The following CNTN4 variants were observed in gnomAD, a reference collection of about 807,000 sequenced individuals.
The protein encoded by CNTN4 is contactin-4.
A neutral mutation model predicts 122.5 loss-of-function variants in CNTN4; 77 were observed. That is an observed-to-expected ratio of 0.63 (90% CI 0.52 to 0.76). CNTN4 has a LOEUF of 0.76. CNTN4 is among the 30% of genes least tolerant of loss of function. The pLI is 0.00. For missense variants in CNTN4, 1,256 were observed against 1,259.1 expected (o/e 1.00, Z 0.04); for synonymous variants, 512 against 447.0 (o/e 1.15, Z -1.83).
At chr3:2,231,170 A>G (rs2039471492) in intron 2 of CNTN4, among the ~76,000 whole-genome samples, 2 of 152,208 alleles carry the variant, frequency 1.3e-5, no homozygotes, top group Non-Finnish European at 2.9e-5. Context: ...ACAATTACCA[A>G]TTAGATACTT....
rs140407010 is a variant in CNTN4, at chr3:2,834,426, C to T, written c.454+14845C>T. On this transcript the variant is annotated intron_variant, in intron 7 of 24. Coordinates refer to ENST00000418658, the MANE Select transcript of CNTN4 (RefSeq NM_175607.3). Reference sequence around the variant, plus strand: ...CTAAAGATTTAAAAAGTTAGCTGGGCGTGGTGGTGCATGTTTGTAATCCCA... The same window carrying T: ...CTAAAGATTTAAAAAGTTAGCTGGGTGTGGTGGTGCATGTTTGTAATCCCA... Among the ~76,000 whole-genome samples, 556 of 152,066 alleles carry T rather than the reference C, an allele frequency of 3.7e-3. 4 individuals carry two copies. The highest frequency in any genetic ancestry group is 0.027 in the Middle Eastern group (8 of 294).
At chr3:2,973,410 C>T (rs1693120637) in intron 13 of CNTN4, among the ~76,000 whole-genome samples, 1 of 151,994 alleles carries the variant, frequency 6.6e-6, no homozygotes, top group Non-Finnish European at 1.5e-5. Context: ...CTGTTTATCC[C>T]AGACACTGAT....
intron 6 of CNTN4, among the ~76,000 whole-genome samples, chr3:2,800,899 C>T (rs975714348): frequency 1.3e-5 from 2 of 152,182 alleles, no homozygotes; most frequent in African/African-American, 4.8e-5. Flanking sequence ...TTGCCACCTT[C>T]AGGTCTCTAC....
At chr3:2,525,768 T>C (rs1165107989) in intron 3 of CNTN4, among the ~76,000 whole-genome samples, 2 of 152,080 alleles carry the variant, frequency 1.3e-5, no homozygotes, top group African/African-American at 4.8e-5. Context: ...TATGTAGAGG[T>C]GAATATTGCA....
chr3:2,564,120 G>T (rs1421822471), intron 3 of CNTN4, among the ~76,000 whole-genome samples: 1 of 152,102 alleles, frequency 6.6e-6, no homozygotes, highest in Admixed American at 6.6e-5. Context: ...TCAAGAAATA[G>T]TAGTATAAGC....
chr3:2,563,055 C>T (rs909404105), intron 3 of CNTN4, among the ~76,000 whole-genome samples: 2 of 152,094 alleles, frequency 1.3e-5, no homozygotes, highest in Non-Finnish European at 2.9e-5. Context: ...GGTATATACC[C>T]AGTAATGGAA....
At chr3:2,131,511 A>G (rs532781683) in intron 2 of CNTN4, among the ~76,000 whole-genome samples, 2 of 152,290 alleles carry the variant, frequency 1.3e-5, no homozygotes, top group East Asian at 1.9e-4. Flanking sequence ...CAGATGAGAG[A>G]GAATACTTGA....
At chr3:2,522,687 A>T in intron 3 of CNTN4, among the ~76,000 whole-genome samples, 1 of 152,004 alleles carries the variant, frequency 6.6e-6, no homozygotes, top group East Asian at 1.9e-4. Flanking sequence ...TGATTCAGTT[A>T]GACTGACTGG....
chr3:2,398,769 A>C (rs192873350), intron 3 of CNTN4, among the ~76,000 whole-genome samples: 18 of 152,292 alleles, frequency 1.2e-4, no homozygotes, highest in Middle Eastern at 3.4e-3. Context: ...ACACTTGGAA[A>C]TGATCACTGA....
chr3:2,379,528 T>A (rs185529480), intron 3 of CNTN4, among the ~76,000 whole-genome samples: 1 of 152,340 alleles, frequency 6.6e-6, no homozygotes, highest in East Asian at 1.9e-4. Flanking sequence ...TTTTGTCTTT[T>A]TTATATAACT....
Position 3,040,105 on chromosome 3 carries a change from A to G in CNTN4, c.2232A>G (p.Lys744=). The change falls in exon 20 of 25, where the codon AAA becomes AAG. Residue 744 remains lysine, a synonymous_variant. Transcript: ENST00000418658. ...TGGTGGCCTTCCGGCCCTACGGTAA[A>G]ATGATCTGGATGCTGACAGTGCTGG... ...GYVVAFRPYG[K]MIWMLTVLAS... 2 of 1,614,200 alleles carry G rather than the reference A, an allele frequency of 1.2e-6. No individual in the cohort carries two copies. Among genetic ancestry groups the G allele is most frequent in the Non-Finnish European group, 1.7e-6 (2 of 1,180,018 alleles).
At chr3:2,224,028 T>C (rs2039167067) in intron 2 of CNTN4, among the ~76,000 whole-genome samples, 1 of 152,216 alleles carries the variant, frequency 6.6e-6, no homozygotes, top group Admixed American at 6.5e-5. Context: ...CTTATGCAGA[T>C]AAATGTCTTT....
At chr3:2,157,532 A>G (rs1032008593) in intron 2 of CNTN4, among the ~76,000 whole-genome samples, 1 of 152,204 alleles carries the variant, frequency 6.6e-6, no homozygotes, top group African/African-American at 2.4e-5. Flanking sequence ...AAAACTTTGG[A>G]GTAGTTTTTG....
intron 6 of CNTN4, among the ~76,000 whole-genome samples, chr3:2,781,120 G>T (rs1365486151): frequency 5.3e-5 from 8 of 152,152 alleles, no homozygotes; most frequent in African/African-American, 1.7e-4. Flanking sequence ...CAACAAACAT[G>T]CCCTAAGACC....
Position 2,953,328 on chromosome 3 carries a change from G to A in CNTN4, c.1358+27549G>A, listed in dbSNP as rs565542589. Among the ~76,000 whole-genome samples the A allele has an allele frequency of 1.5e-3, 228 of 152,142 alleles. 6 individuals are homozygous for A. In the South Asian group the frequency reaches 0.046, roughly 31 times the overall value. The stretch of plus-strand genomic sequence containing the variant: ...CCCAGATTGTTAATTCTAATGACCA[G>A]CTTCCATTCTTCAATTTCTCAGCAC... On this transcript the variant is annotated intron_variant, in intron 13 of 24. Transcript: ENST00000418658.
chr3:2,571,390 AT>A (rs773239321), intron 3 of CNTN4, 25 bp from the exon 4 acceptor site: 28 of 779,004 alleles, frequency 3.6e-5, no homozygotes, highest in African/African-American at 5.1e-5. Context: ...CCCAAATCTC[AT>A]TGTAATGTCT....
intron 4 of CNTN4, among the ~76,000 whole-genome samples, chr3:2,703,816 T>G (rs1415920471): frequency 6.6e-6 from 1 of 152,082 alleles, no homozygotes; most frequent in Non-Finnish European, 1.5e-5. Context: ...CTATATGTGT[T>G]TATTTGACCA....
chr3:2,998,823 T>C (rs1393291427), intron 14 of CNTN4, among the ~76,000 whole-genome samples: 1 of 152,188 alleles, frequency 6.6e-6, no homozygotes, highest in South Asian at 2.1e-4. Context: ...GATTCCCTTT[T>C]TAATGGAAAT....
At chr3:2,879,563 G>A (rs183550503) in intron 8 of CNTN4, among the ~76,000 whole-genome samples, 22 of 152,230 alleles carry the variant, frequency 1.4e-4, no homozygotes, top group African/African-American at 5.3e-4. Flanking sequence ...TCTCGAAAAC[G>A]CTATGTTCAA....
Sources: allele counts gnomAD v4.1 joint callset (sites outside exome capture counted in the v4.1 genomes callset), GRCh38; gene constraint gnomAD v4.1.1; transcripts MANE v1.5; gene names NCBI Gene and HGNC (gene_info 2026-07-23, HGNC 2026-07-21).